SBF2: variants seen among roughly 807,000 people sequenced by gnomAD.
SBF2 encodes the protein SET binding factor 2, also known as myotubularin-related protein 13.
Under a neutral mutation model 225.2 loss-of-function variants are expected in SBF2, and 112 were observed. The observed-to-expected ratio is 0.50, with a 90% CI of 0.43 to 0.58. The LOEUF (loss-of-function observed/expected upper bound fraction) is 0.58, where lower values mean the gene tolerates loss of function less well. Ranked by LOEUF, SBF2 falls within the 20% of genes least tolerant of loss-of-function variation. The pLI, the probability that SBF2 is intolerant of heterozygous loss-of-function variation, is 0.00. For missense variants in SBF2, 1,996 were observed against 2,206.2 expected (o/e 0.90, Z 1.91); for synonymous variants, 763 against 773.3 (o/e 0.99, Z 0.22).
chr11:10,225,034 C>G (rs566101300), intron 1 of SBF2, among the ~76,000 whole-genome samples: 1 of 152,204 alleles, frequency 6.6e-6, no homozygotes, highest in South Asian at 2.1e-4. Flanking sequence ...GGTTTGCCAT[C>G]TTGGAGATAG....
At chr11:9,793,344 G>A (rs1422865575) in intron 33 of SBF2, among the ~76,000 whole-genome samples, 4 of 151,932 alleles carry the variant, frequency 2.6e-5, no homozygotes, top group Admixed American at 6.6e-5. Context: ...ACCAGTGGTG[G>A]GTCTCAGACT....
chr11:9,855,053 T>C (rs1857217140), intron 19 of SBF2, among the ~76,000 whole-genome samples: 1 of 151,896 alleles, frequency 6.6e-6, no homozygotes, highest in African/African-American at 2.4e-5. Flanking sequence ...GAATTATGAG[T>C]AGTGAAGGAA....
In SBF2 at chr11:10,042,828, G is replaced by C. The variant is rs767195040; in HGVS notation, c.279+16C>G. ...TGTACCTTCGACTGTACTTTAGCTA[G>C]TAAAGGTTTTTGTACCTGAAGATTG... On this transcript the variant is annotated intron_variant, in intron 3 of 39. Coordinates refer to ENST00000256190, the MANE Select transcript of SBF2 (RefSeq NM_030962.4). 1 of 1,613,328 alleles carries C rather than the reference G, an allele frequency of 6.2e-7. No homozygotes were observed. The highest frequency in any genetic ancestry group is 1.1e-5 in the South Asian group (1 of 91,062).
intron 2 of SBF2, among the ~76,000 whole-genome samples, chr11:10,106,102 G>A (rs751208516): frequency 2.6e-5 from 4 of 152,124 alleles, no homozygotes; most frequent in Non-Finnish European, 5.9e-5. Flanking sequence ...GCTTGATGCT[G>A]AGGTTTGAAC....
At chr11:9,783,339 G>A (rs1159736547) in intron 38 of SBF2, among the ~76,000 whole-genome samples, 1 of 152,164 alleles carries the variant, frequency 6.6e-6, no homozygotes, top group East Asian at 1.9e-4. Flanking sequence ...GGAAAAGCTG[G>A]ACTCCAAATA....
chr11:9,940,262 G>A (rs184254894), intron 16 of SBF2, among the ~76,000 whole-genome samples: 27 of 152,198 alleles, frequency 1.8e-4, no homozygotes, highest in African/African-American at 4.3e-4. Context: ...AAAATTAGCC[G>A]GGCATGGTGG....
In SBF2 at chr11:10,260,577, G is replaced by A. The variant is rs1257509053; in HGVS notation, c.55+33438C>T. Among the ~76,000 whole-genome samples, 9 of 151,872 alleles carry A rather than the reference G, an allele frequency of 5.9e-5. No homozygotes were observed. In the East Asian group the frequency reaches 7.7e-4, roughly 13 times the overall value. On this transcript the variant is annotated intron_variant, in intron 1 of 39. Transcript: ENST00000256190. The stretch of plus-strand genomic sequence containing the variant: ...TAAAAATACAAAAAATTAGCTGGGC[G>A]TGGTGGCGGGCACCTGTAGTCCCAG...
At chr11:9,948,488 G>A (rs935965862) in intron 16 of SBF2, among the ~76,000 whole-genome samples, 1 of 152,076 alleles carries the variant, frequency 6.6e-6, no homozygotes, top group Non-Finnish European at 1.5e-5. Flanking sequence ...AAGTACTTCT[G>A]TACTTTCTGA....
chr11:10,010,939 G>C (rs1590749074), intron 6 of SBF2, among the ~76,000 whole-genome samples: 1 of 152,186 alleles, frequency 6.6e-6, no homozygotes, highest in Non-Finnish European at 1.5e-5. Context: ...AGTTCTCCTT[G>C]AAGAGGTCCT....
At chr11:9,960,688 G>C (rs138759314) in intron 16 of SBF2, 2 of 151,902 alleles carry the variant, frequency 1.3e-5, no homozygotes, top group African/African-American at 4.8e-5. Context: ...TTTTTGAGAC[G>C]GAGTTTCGCT....
chr11:10,022,466 A>G (rs190562239), intron 6 of SBF2, among the ~76,000 whole-genome samples: 479 of 152,280 alleles, frequency 3.1e-3, no homozygotes, highest in African/African-American at 0.011. Context: ...TCTTTTTATT[A>G]TAAAACACAG....
chr11:9,959,853 A>G (rs971587239), intron 16 of SBF2: 1 of 527,738 alleles, frequency 1.9e-6, no homozygotes, highest in African/African-American at 1.9e-5. Flanking sequence ...TGAGGAGAGG[A>G]GAGAGGAGGG....
rs767931488 is a variant in SBF2 at position 10,235,606 on chromosome 11, C to G, written c.56-41619G>C. Among the ~76,000 whole-genome samples the G allele has an allele frequency of 1.5e-4, 23 of 152,022 alleles. 1 individual carries two copies. Among genetic ancestry groups the G allele is most frequent in the Non-Finnish European group, 1.3e-4 (9 of 68,004 alleles). ...AGCAAAACTATTTACATAAACTTCC[C>G]TTTTTGGAAAAATTAGAAGATACTT... On this transcript the variant is annotated intron_variant, in intron 1 of 39. Coordinates refer to ENST00000256190, the MANE Select transcript of SBF2 (RefSeq NM_030962.4).
At chr11:10,210,281 CT>C (rs1288057644) in intron 1 of SBF2, among the ~76,000 whole-genome samples, 1 of 151,652 alleles carries the variant, frequency 6.6e-6, no homozygotes, top group Non-Finnish European at 1.5e-5. Flanking sequence ...GCACTCCAGC[CT>C]GGGAAACAGA....
At position 9,780,287 on chromosome 11, in the gene SBF2, A is replaced by G. The variant is rs1851923433; in HGVS notation, c.*131T>C. The G allele has an allele frequency of 1.2e-5, 9 of 776,920 alleles. No individual in the cohort carries two copies. Among genetic ancestry groups the G allele is most frequent in the Non-Finnish European group, 2.0e-5 (9 of 453,954 alleles). 48.1% of individuals were successfully genotyped at this position (776,920 alleles called of 1,614,324 possible). ...AAGTAGATATAGCAACCCCTGCAAG[A>G]GGGGACTGGGCAGGAGAACCTCAGG... On this transcript the variant is annotated 3_prime_UTR_variant, in exon 40 of 40. Transcript: ENST00000256190.
In SBF2 at chr11:9,816,820, T is replaced by A; in HGVS notation, c.3978+20A>T. The A allele has an allele frequency of 3.1e-6, 5 of 1,612,462 alleles. No homozygotes were observed. The highest frequency in any genetic ancestry group is 4.2e-6 in the Non-Finnish European group (5 of 1,178,678). The stretch of plus-strand genomic sequence containing the variant: ...CTAGCGTATCCATAAAGTTTCTAAG[T>A]GAGAAAAAAGAAATCTTACCCTTAG... On this transcript the variant is annotated intron_variant, in intron 29 of 39. Coordinates refer to ENST00000256190, the MANE Select transcript of SBF2 (RefSeq NM_030962.4).
intron 38 of SBF2, among the ~76,000 whole-genome samples, chr11:9,782,107 G>T (rs949542680): frequency 2.4e-4 from 37 of 151,640 alleles, no homozygotes; most frequent in Non-Finnish European, 1.9e-4. Context: ...GATTGCTTGA[G>T]CCTGTGAGGT....
chr11:10,026,324 T>C (rs1339875717), intron 6 of SBF2, among the ~76,000 whole-genome samples: 2 of 152,226 alleles, frequency 1.3e-5, no homozygotes, highest in Non-Finnish European at 2.9e-5. Context: ...TTTAGAGGTA[T>C]ACAACCTTTT....
intron 37 of SBF2, 116 bp from the exon 38 acceptor site, chr11:9,784,554 A>C (rs1011523063): frequency 8.7e-5 from 72 of 826,612 alleles, no homozygotes; most frequent in Middle Eastern, 5.7e-4. Context: ...TGATTCAAAA[A>C]TGGCCTATAA....
Sources: gnomAD v4.1 joint callset for allele counts (sites outside exome capture counted in the v4.1 genomes callset) on GRCh38, gnomAD v4.1.1 for gene constraint, MANE v1.5 for transcripts, NCBI Gene and HGNC (gene_info 2026-07-23, HGNC 2026-07-21) for gene names.